The following SSBP3 variants were observed in gnomAD, a reference collection of about 807,000 sequenced individuals.
SSBP3 encodes the protein single stranded DNA binding protein 3.
Under a neutral mutation model 69.6 loss-of-function variants are expected in SSBP3, and 5 were observed. That is an observed-to-expected ratio of 0.07 (90% CI 0.04 to 0.15). SSBP3 has a LOEUF of 0.15. SSBP3 is among the 10% of genes least tolerant of loss of function. SSBP3 has a pLI of 1.00. For synonymous variants in SSBP3, 196 were observed against 193.4 expected (o/e 1.01, Z -0.11); for missense variants, 312 against 534.0 (o/e 0.58, Z 4.10).
intron 4 of SSBP3, among the ~76,000 whole-genome samples, chr1:54,387,585 G>A (rs1648184932): frequency 1.3e-5 from 2 of 152,150 alleles, no homozygotes; most frequent in Non-Finnish European, 2.9e-5. Flanking sequence ...TTAGCATTCA[G>A]TAATTAAAAA....
intron 9 of SSBP3, among the ~76,000 whole-genome samples, chr1:54,243,541 T>G (rs1644679806): frequency 6.6e-6 from 1 of 152,284 alleles, no homozygotes; most frequent in Admixed American, 6.5e-5. Flanking sequence ...GCTTTCAAGA[T>G]GAAGTTCTCA....
At chr1:54,331,969 G>GA (rs1215545500) in intron 4 of SSBP3, among the ~76,000 whole-genome samples, 2 of 152,306 alleles carry the variant, frequency 1.3e-5, no homozygotes, top group East Asian at 3.9e-4. Context: ...TCCCTTTCAT[G>GA]AAAATCACCA....
intron 4 of SSBP3, among the ~76,000 whole-genome samples, chr1:54,324,161 C>G (rs1371036151): frequency 6.6e-6 from 1 of 152,210 alleles, no homozygotes; most frequent in Admixed American, 6.5e-5. Context: ...AGGCTCCAAC[C>G]AGCTCCTGGA....
intron 4 of SSBP3, among the ~76,000 whole-genome samples, chr1:54,336,844 C>T (rs1212067633): frequency 6.6e-6 from 1 of 152,164 alleles, no homozygotes; most frequent in Non-Finnish European, 1.5e-5. Flanking sequence ...CCCTCAGCCA[C>T]GTGCGTGGTA....
At chr1:54,357,572 AC>A in intron 4 of SSBP3, among the ~76,000 whole-genome samples, 1 of 152,212 alleles carries the variant, frequency 6.6e-6, no homozygotes, top group East Asian at 1.9e-4. Flanking sequence ...TCCACAGGGG[AC>A]CCATGGGGTG....
chr1:54,334,454 T>C (rs1347109021), intron 4 of SSBP3, among the ~76,000 whole-genome samples: 1 of 152,234 alleles, frequency 6.6e-6, no homozygotes, highest in Non-Finnish European at 1.5e-5. Context: ...TTTCCTTCAG[T>C]GTTTCTCCAT....
intron 5 of SSBP3, among the ~76,000 whole-genome samples, chr1:54,264,350 A>AT (rs532233002): frequency 6.8e-4 from 104 of 152,316 alleles, no homozygotes; most frequent in African/African-American, 2.4e-3. Flanking sequence ...ACCTACACCG[A>AT]TTTTTTAAAG....
intron 4 of SSBP3, among the ~76,000 whole-genome samples, chr1:54,370,327 C>T (rs1647107512): frequency 2.0e-5 from 3 of 152,244 alleles, no homozygotes; most frequent in South Asian, 2.1e-4. Context: ...CCGATGACAA[C>T]AAACTCACCT....
At chr1:54,243,443 C>T (rs1015699734) in intron 9 of SSBP3, 144 bp from the exon 10 acceptor site, 22 of 1,030,102 alleles carry the variant, frequency 2.1e-5, no homozygotes, top group African/African-American at 9.4e-5. Flanking sequence ...CTTTCAAAAA[C>T]GGTGGGGCGG....
intron 4 of SSBP3, among the ~76,000 whole-genome samples, chr1:54,383,700 G>T (rs12043222): frequency 6.6e-6 from 1 of 152,068 alleles, no homozygotes; most frequent in Admixed American, 6.5e-5. Context: ...AATCAGAAGT[G>T]GGCTATTTTC....
At chr1:54,226,667 CTT>C (rs543365018) in exon 18 of SSBP3, 6 of 131,200 alleles carry the variant, frequency 4.6e-5, no homozygotes, top group Admixed American at 7.9e-5. Flanking sequence ...TTCCTTTTTC[CTT>C]TTTTTTTTTT....
chr1:54,280,602 CGA>C (rs1491102338), intron 5 of SSBP3, among the ~76,000 whole-genome samples: 2 of 152,252 alleles, frequency 1.3e-5, no homozygotes, highest in South Asian at 2.1e-4. Flanking sequence ...ATGTTATGAT[CGA>C]GAGTGTCATC....
intron 2 of SSBP3, 47 bp downstream of exon 2, chr1:54,404,811 G>C (rs765803450): frequency 1.0e-6 from 1 of 990,830 alleles, no homozygotes; most frequent in Non-Finnish European, 1.5e-6. Flanking sequence ...AGAATAGTGG[G>C]GGGGGGGGGT....
rs1235468871 is a variant in SSBP3, at chr1:54,258,908, G to A, written c.367-759C>T. On this transcript the variant is annotated intron_variant, in intron 5 of 17. Coordinates refer to ENST00000610401, the Ensembl canonical transcript of SSBP3. This position sits in a 1 kb window ranked among gnomAD's most constrained non-coding sequence, Gnocchi z 4.5. ...TTTACTGATGAGGAATCTAAGTCTC[G>A]AGGGATGAAGGAACTTGGCCATGGC... is the stretch of plus-strand genomic sequence containing the variant. 1.3e-5 allele frequency among the ~76,000 whole-genome samples: 2 copies of A among 152,176 alleles called. No homozygotes were observed. Among genetic ancestry groups the A allele is most frequent in the African/African-American group, 2.4e-5 (1 of 41,434 alleles).
intron 4 of SSBP3, among the ~76,000 whole-genome samples, chr1:54,342,537 C>T (rs1268660668): frequency 6.6e-6 from 1 of 152,166 alleles, no homozygotes; most frequent in African/African-American, 2.4e-5. Flanking sequence ...CTCCCATTCC[C>T]AGGCAAGGCC....
At chr1:54,404,601 G>A in exon 3 of SSBP3, 1 of 1,613,762 alleles carries the variant, frequency 6.2e-7, no homozygotes, top group Non-Finnish European at 8.5e-7. Context: ...AAAAACCCAG[G>A]CGGTTCTCCC....
chr1:54,285,494 T>G (rs1645472178), intron 4 of SSBP3: 1 of 151,906 alleles, frequency 6.6e-6, no homozygotes, highest in Non-Finnish European at 1.5e-5. Context: ...TAAGTTATAC[T>G]TTTTAAAAAA....
At chr1:54,330,752 C>T (rs1192221730) in intron 4 of SSBP3, among the ~76,000 whole-genome samples, 1 of 152,194 alleles carries the variant, frequency 6.6e-6, no homozygotes, top group Non-Finnish European at 1.5e-5. Context: ...CACAACCAGC[C>T]CAGAAATCTC....
intron 4 of SSBP3, among the ~76,000 whole-genome samples, chr1:54,382,471 G>A (rs574411605): frequency 9.8e-5 from 15 of 152,322 alleles, no homozygotes; most frequent in African/African-American, 3.1e-4. Flanking sequence ...CTTTGCTTCC[G>A]TAGCCAAACG....
Sources: gnomAD v4.1 joint callset for allele counts (sites outside exome capture counted in the v4.1 genomes callset) on GRCh38, gnomAD v4.1.1 for gene constraint, Gnocchi (gnomAD v3.1) non-coding constraint, MANE v1.5 for transcripts, NCBI Gene and HGNC (gene_info 2026-07-23, HGNC 2026-07-21) for gene names.